AGO2: variants seen among roughly 807,000 people sequenced by gnomAD.
AGO2 encodes protein argonaute-2.
A neutral mutation model predicts 102.3 loss-of-function variants in AGO2; 5 were observed. That is an observed-to-expected ratio of 0.05 (90% CI 0.03 to 0.10). The LOEUF is 0.10. Among genes scored for constraint, AGO2 ranks in the 10% least tolerant of loss-of-function variants. AGO2 has a pLI of 1.00. For synonymous variants in AGO2, 449 were observed against 473.1 expected (o/e 0.95, Z 0.66); for missense variants, 541 against 1,183.7 (o/e 0.46, Z 7.97).
Position 140,560,332 on chromosome 8 carries a change from C to T in AGO2, c.655+42G>A, listed in dbSNP as rs770303923. ...CGGGGTCCTGACCCCCCAGCCCATG[C>T]CCAACCCTGCCCTGCAGTGAAGACC... On this transcript the variant is annotated intron_variant, in intron 5 of 18. Transcript: ENST00000220592. 5.0e-6 allele frequency: 8 copies of T among 1,597,496 alleles called. No individual in the cohort carries two copies. The African/African-American group carries it at 1.1e-4, about 21-fold the overall frequency.
rs561237667 is a variant in AGO2, at chr8:140,565,860, G to A, written c.337-3226C>T. ...TTTGGGTGGCTGAGGTGGGAGGATGGTTTGAGTCCAGAGTTGGAGACCAGC... is the reference window on the plus strand; with the variant it reads ...TTTGGGTGGCTGAGGTGGGAGGATGATTTGAGTCCAGAGTTGGAGACCAGC... On this transcript the variant is annotated intron_variant, in intron 3 of 18. Coordinates refer to ENST00000220592, the MANE Select transcript of AGO2 (RefSeq NM_012154.5). 2.6e-5 allele frequency among the ~76,000 whole-genome samples: 4 copies of A among 152,092 alleles called. No individual in the cohort carries two copies. In the South Asian group the frequency reaches 6.2e-4, roughly 24 times the overall value.
chr8:140,536,189 T>C (rs979945063), intron 16 of AGO2, among the ~76,000 whole-genome samples: 7 of 152,220 alleles, frequency 4.6e-5, no homozygotes, highest in African/African-American at 1.7e-4. Flanking sequence ...GATGCAGGCA[T>C]GGCCACGCCA....
chr8:140,594,064 G>A (rs1004807620), intron 1 of AGO2, among the ~76,000 whole-genome samples: 6 of 152,092 alleles, frequency 3.9e-5, no homozygotes, highest in South Asian at 2.1e-4. Context: ...CTCAACGCAC[G>A]ATGCCACTCA....
rs531249551 is a variant in AGO2, at chr8:140,601,354, G to T, written c.23-16043C>A. Among the ~76,000 whole-genome samples the T allele has an allele frequency of 6.4e-4, 98 of 152,134 alleles. 2 individuals are homozygous for T. The highest frequency in any genetic ancestry group is 2.6e-4 in the Admixed American group (4 of 15,278). On this transcript the variant is annotated intron_variant, in intron 1 of 18. Transcript: ENST00000220592. ...TTAAAAACGGTGCATGCCCCCAGCA[G>T]CCCCAGCACCCCCCCGCCGCTGTGC...
intron 1 of AGO2, among the ~76,000 whole-genome samples, chr8:140,595,529 ATCATAGGGCTCAAGTGATCCTCCTG>A (rs2073813167): frequency 6.8e-6 from 1 of 147,928 alleles, no homozygotes; most frequent in Non-Finnish European, 1.5e-5. Context: ...CAGTGGTGCG[ATCATAGGGCTCAAGTGATCCTCCTG>A]TCCCAGCCTC....
chr8:140,585,282 T>TGGG lies in AGO2; in HGVS notation c.49_51dup (p.Pro17dup). The TGGG allele has an allele frequency of 6.2e-7, 1 of 1,613,940 alleles. No homozygotes were observed. Reference sequence around the variant, plus strand: ...GGAGGCTTGAAGGCATATCCTTGGATGGGGGGCGGCGGCGCAGGAGGTGCA... The same window carrying TGGG: ...GGAGGCTTGAAGGCATATCCTTGGATGGGGGGGGGCGGCGGCGCAGGAGGTGCA... On this transcript the variant is annotated inframe_insertion, in exon 2 of 19. Transcript: ENST00000220592.
rs761378470 is a variant in AGO2, at chr8:140,539,395, G to A, written c.2094C>T (p.Tyr698=). The stretch of plus-strand genomic sequence containing the variant: ...CCACGATGAAGGTGATCCCGGGCTG[G>A]TAGTCTTTTTCTAGCTTGATACAGG... ...REACIKLEKD[Y]QPGITFIVVQ... The change falls in exon 16 of 19, where the codon TAC becomes TAT. Residue 698 remains tyrosine (Y), a synonymous_variant. Coordinates refer to ENST00000220592, the MANE Select transcript of AGO2 (RefSeq NM_012154.5). The surrounding 1 kb of genome is among the most constrained non-coding windows in gnomAD (Gnocchi z 4.7). The A allele has an allele frequency of 3.9e-5, 63 of 1,614,016 alleles. No individual in the cohort carries two copies. Among genetic ancestry groups the A allele is most frequent in the Non-Finnish European group, 5.2e-5 (61 of 1,179,996 alleles).
intron 1 of AGO2, among the ~76,000 whole-genome samples, chr8:140,603,801 C>T (rs569100212): frequency 1.3e-5 from 2 of 152,372 alleles, no homozygotes; most frequent in Non-Finnish European, 2.9e-5. Context: ...TGTCTTCACC[C>T]TCCACCCTGC....
intron 17 of AGO2, among the ~76,000 whole-genome samples, chr8:140,534,427 C>A (rs192522309): frequency 1.3e-5 from 2 of 152,298 alleles, no homozygotes; most frequent in Admixed American, 1.3e-4. Flanking sequence ...ATCTCACCAG[C>A]CCTGGCAAAG....
chr8:140,588,110 C>T (rs1385034320), intron 1 of AGO2, among the ~76,000 whole-genome samples: 1 of 152,248 alleles, frequency 6.6e-6, no homozygotes, highest in African/African-American at 2.4e-5. Flanking sequence ...TGGGCACCTC[C>T]TCCCCAGGCC....
At chr8:140,642,154 G>C in the AGO2 span, among the ~76,000 whole-genome samples, 3 of 152,236 alleles carry the variant, frequency 2.0e-5, no homozygotes, top group Non-Finnish European at 4.4e-5. Context: ...TGTGAAACAT[G>C]ACTGAGAATT....
chr8:140,598,170 ACACC>A (rs1322828356), intron 1 of AGO2, among the ~76,000 whole-genome samples: 2 of 152,224 alleles, frequency 1.3e-5, no homozygotes, highest in Admixed American at 6.5e-5. Context: ...CAGGAAACAG[ACACC>A]CACAAGAGCG....
chr8:140,607,503 TATATATATATATAC>T (rs1352669941), intron 1 of AGO2, among the ~76,000 whole-genome samples: 28 of 12,974 alleles, frequency 2.2e-3, no homozygotes, highest in Admixed American at 0.011. Flanking sequence ...TATATATATA[TATATATATATATAC>T]ACACACACAC....
Position 140,523,361 on chromosome 8 carries a change from TC to T in AGO2, c.*8682del, listed in dbSNP as rs1463803453. The stretch of plus-strand genomic sequence containing the variant: ...GGGGCAAAAATCCATCTATGGAACT[TC>T]TGAATTCATTTTTGGTTCTTTTTCA... On this transcript the variant is annotated 3_prime_UTR_variant, in exon 19 of 19. Coordinates refer to ENST00000220592, the MANE Select transcript of AGO2 (RefSeq NM_012154.5). 11 of 152,304 alleles carry T rather than the reference TC, an allele frequency of 7.2e-5. No individual in the cohort carries two copies. The highest frequency in any genetic ancestry group is 2.4e-4 in the African/African-American group (10 of 41,570). The allele number at this position is 152,304 out of a possible 1,614,324, so 9.4% of individuals were successfully genotyped here. A position where few individuals can be genotyped will look rare whatever the true frequency, so the allele number is the denominator to read the frequency against.
intron 1 of AGO2, 33 bp from the exon 2 acceptor site, chr8:140,585,344 G>A (rs759379774): frequency 1.9e-6 from 3 of 1,604,992 alleles, no homozygotes; most frequent in Middle Eastern, 2.0e-4. Context: ...CATTAACGGG[G>A]GAGCAGGCTT....
At chr8:140,535,702 C>T (rs1379172938) in intron 16 of AGO2, 133 bp from the exon 17 acceptor site, 13 of 726,396 alleles carry the variant, frequency 1.8e-5, no homozygotes, top group African/African-American at 1.0e-4. Flanking sequence ...TACAGGTCCT[C>T]GGTAGGATAG....
At chr8:140,570,112 C>T (rs1251915940) in intron 3 of AGO2, among the ~76,000 whole-genome samples, 2 of 152,278 alleles carry the variant, frequency 1.3e-5, no homozygotes, top group Admixed American at 6.5e-5. Context: ...AGAGATCCTA[C>T]AGAACCCCCA....
intron 2 of AGO2, among the ~76,000 whole-genome samples, chr8:140,575,998 AAG>A (rs371754119): frequency 3.9e-5 from 6 of 152,116 alleles, no homozygotes; most frequent in Admixed American, 1.3e-4. Context: ...TCTTAAAAAA[AAG>A]AGAGAGAGAG....
At chr8:140,597,460 T>TGGGCGGGGGGGGGGGGG in intron 1 of AGO2, among the ~76,000 whole-genome samples, 1 of 80,336 alleles carries the variant, frequency 1.2e-5, no homozygotes, top group South Asian at 4.7e-4. Flanking sequence ...CGATGGGGGC[T>TGGGCGGGGGGGGGGGGG]GGGTGGCCCC....
Sources: gnomAD v4.1 joint callset for allele counts (sites outside exome capture counted in the v4.1 genomes callset) on GRCh38, gnomAD v4.1.1 for gene constraint, Gnocchi (gnomAD v3.1) non-coding constraint, MANE v1.5 for transcripts, NCBI Gene and HGNC (gene_info 2026-07-23, HGNC 2026-07-21) for gene names.